THADA: variants seen among roughly 807,000 people sequenced by gnomAD.
THADA encodes THADA armadillo repeat containing.
A neutral mutation model predicts 219.8 loss-of-function variants in THADA; 213 were observed. That is an observed-to-expected ratio of 0.97 (90% CI 0.87 to 1.09). The LOEUF (loss-of-function observed/expected upper bound fraction) is 1.09, where lower values mean the gene tolerates loss of function less well. Ranked by LOEUF, THADA falls within the 50% of genes least tolerant of loss-of-function variation. THADA has a pLI of 0.00. For missense variants in THADA, 2,956 were observed against 2,311.3 expected, an observed-to-expected ratio of 1.28 and a Z score of -5.72; for synonymous variants, 1,018 against 828.9, an observed-to-expected ratio of 1.23 and a Z score of -3.92.
chr2:43,422,359 T>G (rs1573565647), intron 28 of THADA, among the ~76,000 whole-genome samples: 1 of 152,180 alleles, frequency 6.6e-6, no homozygotes, highest in East Asian at 1.9e-4. Flanking sequence ...TTCCAGATGT[T>G]TGGTTTCCTC....
At chr2:43,238,143 AAAAAAAAAAG>A (rs1449014747) in intron 36 of THADA, among the ~76,000 whole-genome samples, 29 of 148,384 alleles carry the variant, frequency 2.0e-4, no homozygotes, top group African/African-American at 6.9e-4. Flanking sequence ...AAAAAAAAAA[AAAAAAAAAAG>A]GAAGGAAAGA....
At chr2:43,413,658 T>C (rs1451494102) in intron 28 of THADA, among the ~76,000 whole-genome samples, 3 of 152,186 alleles carry the variant, frequency 2.0e-5, no homozygotes, top group Non-Finnish European at 2.9e-5. Context: ...GTGGCTATCA[T>C]GGTTCAGAGT....
intron 26 of THADA, among the ~76,000 whole-genome samples, chr2:43,460,627 C>T (rs1029061620): frequency 1.3e-5 from 2 of 152,058 alleles, no homozygotes; most frequent in African/African-American, 4.8e-5. Flanking sequence ...GGAGGACACT[C>T]GTACATAAAA....
chr2:43,231,222 G>C lies in THADA; in HGVS notation c.5588C>G (p.Pro1863Arg). 6.2e-7 allele frequency: 1 copy of C among 1,613,786 alleles called. No homozygotes were observed. Among genetic ancestry groups the C allele is most frequent in the Non-Finnish European group, 8.5e-7 (1 of 1,179,796 alleles). The change falls in exon 38 of 38, where the codon CCA becomes CGA. Residue 1863 changes from proline to arginine, a missense_variant. Physicochemically the swap from Pro to Arg is moderately radical, Grantham distance 103 (BLOSUM62 -2). Transcript: ENST00000405975. ...CLLSKSGWRP[P>R]SPEMLCHLQR... ...AAGGTGACAGAGCATCTCAGGGCTTGGGGGACGCCAGCCGGACTTTGAGAG... is the reference window on the plus strand; with the variant it reads ...AAGGTGACAGAGCATCTCAGGGCTTCGGGGACGCCAGCCGGACTTTGAGAG...
chr2:43,321,465 G>A (rs552541419), intron 30 of THADA, among the ~76,000 whole-genome samples: 6 of 152,338 alleles, frequency 3.9e-5, no homozygotes, highest in South Asian at 4.1e-4. Context: ...AAGAGGCAGA[G>A]CCTTTAAGAG....
chr2:43,456,472 C>A (rs1403908148), intron 26 of THADA, among the ~76,000 whole-genome samples: 2 of 151,998 alleles, frequency 1.3e-5, no homozygotes, highest in Non-Finnish European at 2.9e-5. Context: ...CTAGAACCAG[C>A]CTGACCAGAG....
At chr2:43,433,741 G>A (rs567892290) in intron 26 of THADA, among the ~76,000 whole-genome samples, 6 of 152,116 alleles carry the variant, frequency 3.9e-5, no homozygotes, top group Non-Finnish European at 7.4e-5. Context: ...AGGCTGGAGT[G>A]CAGTGGTGCA....
intron 1 of THADA, among the ~76,000 whole-genome samples, chr2:43,593,201 A>T (rs893889769): frequency 2.0e-5 from 3 of 152,262 alleles, no homozygotes; most frequent in Non-Finnish European, 4.4e-5. Flanking sequence ...ACAGGTCAAT[A>T]AACTGGAATA....
In THADA at chr2:43,397,982, T is replaced by C. The variant is rs1462300721; in HGVS notation, c.4216A>G (p.Thr1406Ala). The C allele has an allele frequency of 6.2e-7, 1 of 1,613,766 alleles. No individual in the cohort carries two copies. The stretch of plus-strand genomic sequence containing the variant: ...GCAACTTTACTTACCTGGAGAAGTG[T>C]CCCATGAATGTGGTTTTGCCGGAAA... The part of the protein sequence containing the change: ...QCFRQNHIHG[T>A]LLQVFHLLQA... The change falls in exon 29 of 38, where the codon ACA (threonine) becomes GCA (alanine). Residue 1406 changes from threonine (T) to alanine (A), a missense_variant. Transcript: ENST00000405975.
At chr2:43,427,672 T>C (rs1365641630) in intron 28 of THADA, among the ~76,000 whole-genome samples, 1 of 149,130 alleles carries the variant, frequency 6.7e-6, no homozygotes, top group Non-Finnish European at 1.5e-5. Flanking sequence ...AAATATATAA[T>C]ATGGCCGGGC....
intron 29 of THADA, among the ~76,000 whole-genome samples, chr2:43,356,858 C>T (rs1184127210): frequency 6.6e-6 from 1 of 152,192 alleles, no homozygotes; most frequent in Non-Finnish European, 1.5e-5. Context: ...TTCATGGCTT[C>T]CCCAGCTTTG....
intron 29 of THADA, among the ~76,000 whole-genome samples, chr2:43,393,017 T>C (rs1673574752): frequency 6.6e-6 from 1 of 152,134 alleles, no homozygotes; most frequent in African/African-American, 2.4e-5. Context: ...TGTCAAACCC[T>C]TAAGGATGAC....
At chr2:43,306,442 T>C (rs1253612665) in intron 31 of THADA, among the ~76,000 whole-genome samples, 1 of 152,216 alleles carries the variant, frequency 6.6e-6, no homozygotes, top group Non-Finnish European at 1.5e-5. Flanking sequence ...ACTTAGTCCA[T>C]GGGATACTGC....
intron 36 of THADA, among the ~76,000 whole-genome samples, chr2:43,253,233 A>G (rs992422958): frequency 6.6e-6 from 1 of 152,138 alleles, no homozygotes; most frequent in African/African-American, 2.4e-5. Context: ...GCCTGGGAGG[A>G]AAGGGAATCG....
intron 26 of THADA, among the ~76,000 whole-genome samples, chr2:43,474,964 G>A (rs892954807): frequency 6.6e-6 from 1 of 152,008 alleles, no homozygotes. Flanking sequence ...AGTATATGCT[G>A]AAAAAAACAT....
At chr2:43,524,845 C>A (rs1170021693) in intron 22 of THADA, among the ~76,000 whole-genome samples, 1 of 152,178 alleles carries the variant, frequency 6.6e-6, no homozygotes, top group Non-Finnish European at 1.5e-5. Flanking sequence ...ATTCCCTAGT[C>A]TCCCCGCTCC....
At chr2:43,302,603 G>A (rs1676394464) in intron 31 of THADA, among the ~76,000 whole-genome samples, 1 of 152,090 alleles carries the variant, frequency 6.6e-6, no homozygotes, top group Admixed American at 6.5e-5. Flanking sequence ...ATGTCACAAT[G>A]TGGCAGACTG....
intron 30 of THADA, among the ~76,000 whole-genome samples, chr2:43,334,891 C>G (rs1222123366): frequency 6.6e-6 from 1 of 152,214 alleles, no homozygotes. Flanking sequence ...GGCCATGAAG[C>G]CCCTCAACAC....
chr2:43,498,379 A>T (rs537001873), intron 25 of THADA, among the ~76,000 whole-genome samples: 34 of 152,200 alleles, frequency 2.2e-4, no homozygotes, highest in Non-Finnish European at 4.1e-4. Flanking sequence ...TTAAAGTGGT[A>T]AATTGAAAAG....
Sources: allele counts gnomAD v4.1 joint callset (sites outside exome capture counted in the v4.1 genomes callset), GRCh38; gene constraint gnomAD v4.1.1; transcripts MANE v1.5; gene names NCBI Gene and HGNC (gene_info 2026-07-23, HGNC 2026-07-21).